CYP2U1: variants seen among roughly 807,000 people sequenced by gnomAD.
The protein encoded by CYP2U1 is cytochrome P450 2U1.
In CYP2U1, 28 loss-of-function variants were observed where a neutral mutation model predicts 42.8. The observed-to-expected ratio is 0.65, with a 90% CI of 0.48 to 0.90. CYP2U1 has a LOEUF of 0.90. Ranked by LOEUF, CYP2U1 falls within the 40% of genes least tolerant of loss-of-function variation. The pLI, the probability that CYP2U1 is intolerant of heterozygous loss-of-function variation, is 0.00. For synonymous variants in CYP2U1, 296 were observed against 278.9 expected, an observed-to-expected ratio of 1.06 and a Z score of -0.61; for missense variants, 642 against 693.8, an observed-to-expected ratio of 0.93 and a Z score of 0.84.
Position 107,950,447 on chromosome 4 carries a change from TA to T in CYP2U1, c.*29del, listed in dbSNP as rs1166823782. ...GAAGAGCATCTCCAAGAAGAGATGG[TA>T]AAAAGATATATAAATACATATCCTT... On this transcript the variant is annotated 3_prime_UTR_variant, in exon 5 of 5. Coordinates refer to ENST00000332884, the MANE Select transcript of CYP2U1 (RefSeq NM_183075.3). 6.3e-7 allele frequency: 1 copy of T among 1,584,622 alleles called. No homozygotes were observed.
rs369369379 is a variant in CYP2U1, at chr4:107,933,789, A to G, written c.490+1656A>G. On this transcript the variant is annotated intron_variant, in intron 1 of 4. Transcript: ENST00000332884. ...ATTTATAATACCTACTACAATGTAA[A>G]TGCTTTGTAAATAGTTGTTATACAG... Among the ~76,000 whole-genome samples, 10 of 152,224 alleles carry G rather than the reference A, an allele frequency of 6.6e-5. No homozygotes were observed. In the East Asian group the frequency reaches 9.6e-4, roughly 15 times the overall value.
intron 1 of CYP2U1, chr4:107,941,052 T>C (rs562471114): frequency 2.6e-5 from 4 of 152,098 alleles, no homozygotes; most frequent in Non-Finnish European, 5.9e-5. Flanking sequence ...GAAAATACTT[T>C]AAAAAGAAAA....
In CYP2U1 at chr4:107,945,331, T is replaced by A. The variant is rs1003330304; in HGVS notation, c.852T>A (p.Phe284Leu). ...TTTATTACCTTCCCTTTGGACCATTTAAGGAATTAAGACAAATTGAAAAGG... is the reference window on the plus strand; with the variant it reads ...TTTATTACCTTCCCTTTGGACCATTAAAGGAATTAAGACAAATTGAAAAGG... ...PWLYYLPFGPFKELRQIEKDI... is the reference protein window; with the variant it reads ...PWLYYLPFGPLKELRQIEKDI... The change falls in exon 2 of 5, where the codon TTT (phenylalanine) becomes TTA (leucine). Residue 284 changes from phenylalanine (F) to leucine (L), a missense_variant. Phe to Leu is a conservative substitution (Grantham distance 22). Coordinates refer to ENST00000332884, the MANE Select transcript of CYP2U1 (RefSeq NM_183075.3). The A allele has an allele frequency of 1.9e-6, 3 of 1,614,108 alleles. No individual in the cohort carries two copies. The highest frequency in any genetic ancestry group is 2.5e-6 in the Non-Finnish European group (3 of 1,180,028).
chr4:107,945,565 C>G lies in CYP2U1; in HGVS notation c.1086C>G (p.Leu362=). The part of the protein sequence containing the change: ...AGTDTTTNSL[L]WCLLYMSLNP... ...CTGATACCACAACTAACTCTTTGCT[C>G]TGGTGCCTGCTGTATATGTCGCTGA... is the stretch of plus-strand genomic sequence containing the variant. The change falls in exon 2 of 5, where the codon CTC becomes CTG. Residue 362 remains leucine (L), a synonymous_variant. Coordinates refer to ENST00000332884, the MANE Select transcript of CYP2U1 (RefSeq NM_183075.3). 6.2e-7 allele frequency: 1 copy of G among 1,605,870 alleles called. No individual in the cohort carries two copies. The highest frequency in any genetic ancestry group is 1.1e-5 in the South Asian group (1 of 89,930).
chr4:107,945,884 T>C (rs904922755), intron 2 of CYP2U1, among the ~76,000 whole-genome samples: 2 of 152,242 alleles, frequency 1.3e-5, no homozygotes, highest in South Asian at 4.1e-4. Flanking sequence ...AAGAACATTC[T>C]AGAGCTGAAG....
intron 3 of CYP2U1, among the ~76,000 whole-genome samples, 165 bp downstream of exon 3, chr4:107,947,702 G>A (rs1051253228): frequency 2.0e-5 from 3 of 152,146 alleles, no homozygotes; most frequent in South Asian, 2.1e-4. Flanking sequence ...TCAGCCCTCC[G>A]CTGTGCATCA....
Position 107,950,442 on chromosome 4 carries a change from G to C in CYP2U1, c.*19G>C, listed in dbSNP as rs538538497. On this transcript the variant is annotated 3_prime_UTR_variant, in exon 5 of 5. Coordinates refer to ENST00000332884, the MANE Select transcript of CYP2U1 (RefSeq NM_183075.3). ...GAGATGAAGAGCATCTCCAAGAAGA[G>C]ATGGTAAAAAGATATATAAATACAT... 6.3e-7 allele frequency: 1 copy of C among 1,591,604 alleles called. No individual in the cohort carries two copies. Among genetic ancestry groups the C allele is most frequent in the Non-Finnish European group, 8.5e-7 (1 of 1,172,788 alleles).
intron 1 of CYP2U1, chr4:107,938,769 A>G (rs1156919891): frequency 6.6e-6 from 1 of 152,204 alleles, no homozygotes; most frequent in Non-Finnish European, 1.5e-5. Context: ...ACAAATTTGT[A>G]GTTTAAAAAT....
At chr4:107,946,786 T>G (rs1733712212) in intron 2 of CYP2U1, among the ~76,000 whole-genome samples, 1 of 152,092 alleles carries the variant, frequency 6.6e-6, no homozygotes, top group Non-Finnish European at 1.5e-5. Context: ...TGGCTATCCA[T>G]ATGACTATTG....
rs760847189 is a variant in CYP2U1, at chr4:107,945,160, C to T, written c.681C>T (p.Ala227=). The T allele has an allele frequency of 1.1e-5, 18 of 1,613,826 alleles. No individual in the cohort carries two copies. Among genetic ancestry groups the T allele is most frequent in the Middle Eastern group, 3.3e-4 (2 of 6,084 alleles). Residue 227 remains alanine, a synonymous_variant, in exon 2 of 5, where the codon GCC becomes GCT. Transcript: ENST00000332884. ...PFCPFSIISN[A]VSNIICSLCF... is the part of the protein sequence containing the mutation. The stretch of plus-strand genomic sequence containing the variant: ...GCCCTTTCTCCATCATCAGCAATGC[C>T]GTCTCTAACATCATTTGCTCCTTGT...
chr4:107,947,489 A>AC lies in CYP2U1; in HGVS notation c.1241dup (p.Val415CysfsTer24). 1 of 1,614,162 alleles carries AC rather than the reference A, an allele frequency of 6.2e-7. No homozygotes were observed. ...CACCATCATGGAAGTGCAGAGGCTAACTGTGGTGGTGCCGCTTGCCATTCC... is the reference window on the plus strand; with the variant it reads ...CACCATCATGGAAGTGCAGAGGCTAACCTGTGGTGGTGCCGCTTGCCATTCC... On this transcript the variant is annotated frameshift_variant, in exon 3 of 5. Coordinates refer to ENST00000332884, the MANE Select transcript of CYP2U1 (RefSeq NM_183075.3). LOFTEE classifies it high-confidence loss of function.
At chr4:107,947,615 T>C in intron 3 of CYP2U1, 78 bp downstream of exon 3, 1 of 1,410,456 alleles carries the variant, frequency 7.1e-7, no homozygotes. Flanking sequence ...AGGTGAGGGG[T>C]GTGGTGACTG....
chr4:107,949,394 A>C lies in CYP2U1; in HGVS notation c.1333A>C (p.Asn445His), dbSNP rs147100924. 19 of 1,599,488 alleles carry C rather than the reference A, an allele frequency of 1.2e-5. No homozygotes were observed. Among genetic ancestry groups the C allele is most frequent in the Non-Finnish European group, 1.5e-5 (18 of 1,173,406 alleles). ...TIPKGTLILPNLWSVHRDPAI... is the reference protein window; with the variant it reads ...TIPKGTLILPHLWSVHRDPAI... ...TCCTAAAGGCACATTGATCTTACCC[A>C]ACCTGTGGTCAGTACATAGAGACCC... Residue 445 changes from asparagine (N) to histidine (H), a missense_variant, in exon 4 of 5, where the codon AAC (asparagine) becomes CAC (histidine). Transcript: ENST00000332884.
intron 1 of CYP2U1, among the ~76,000 whole-genome samples, chr4:107,935,311 G>T (rs187620578): frequency 1.9e-3 from 291 of 152,188 alleles, no homozygotes; most frequent in Non-Finnish European, 2.8e-3. Flanking sequence ...TTTAGAAAAG[G>T]GCTGGGAGCC....
chr4:107,934,963 A>G (rs1733205375), intron 1 of CYP2U1, among the ~76,000 whole-genome samples: 1 of 152,178 alleles, frequency 6.6e-6, no homozygotes, highest in South Asian at 2.1e-4. Context: ...ACGGAATGTG[A>G]GTTTCTTTAG....
In CYP2U1 at chr4:107,950,457, T is replaced by C. The variant is rs183327899; in HGVS notation, c.*34T>C. On this transcript the variant is annotated 3_prime_UTR_variant, in exon 5 of 5. Coordinates refer to ENST00000332884, the MANE Select transcript of CYP2U1 (RefSeq NM_183075.3). The stretch of plus-strand genomic sequence containing the variant: ...TCCAAGAAGAGATGGTAAAAAGATA[T>C]ATAAATACATATCCTTCTAAGCAGA... 64 of 1,567,012 alleles carry C rather than the reference T, an allele frequency of 4.1e-5. No individual in the cohort carries two copies. The highest frequency in any genetic ancestry group is 3.8e-4 in the African/African-American group (28 of 72,846).
intron 2 of CYP2U1, among the ~76,000 whole-genome samples, chr4:107,946,915 T>A (rs1733716782): frequency 6.6e-6 from 1 of 152,084 alleles, no homozygotes; most frequent in Non-Finnish European, 1.5e-5. Flanking sequence ...CACTCTGATC[T>A]CAGAAGTGAC....
At chr4:107,950,103 G>A in intron 4 of CYP2U1, 142 bp from the exon 5 acceptor site, 2 of 733,410 alleles carry the variant, frequency 2.7e-6, no homozygotes, top group South Asian at 4.0e-5. Flanking sequence ...GGGAGGCTAT[G>A]TGGTATATAT....
At position 107,950,465 on chromosome 4, in the gene CYP2U1, C is replaced by T. The variant is rs752207434; in HGVS notation, c.*42C>T. 1.2e-5 allele frequency: 18 copies of T among 1,551,232 alleles called. No individual in the cohort carries two copies. The highest frequency in any genetic ancestry group is 1.6e-5 in the Non-Finnish European group (18 of 1,150,444). On this transcript the variant is annotated 3_prime_UTR_variant, in exon 5 of 5. Transcript: ENST00000332884. Reference sequence around the variant, plus strand: ...GAGATGGTAAAAAGATATATAAATACATATCCTTCTAAGCAGATTCTTCCT... The same window carrying T: ...GAGATGGTAAAAAGATATATAAATATATATCCTTCTAAGCAGATTCTTCCT...
Sources: gnomAD v4.1 joint callset for allele counts (sites outside exome capture counted in the v4.1 genomes callset) on GRCh38, gnomAD v4.1.1 for gene constraint, MANE v1.5 for transcripts, NCBI Gene and HGNC (gene_info 2026-07-23, HGNC 2026-07-21) for gene names.